MGA: variants seen among roughly 807,000 people sequenced by gnomAD.
MGA encodes the protein MAX gene-associated protein.
A neutral mutation model predicts 261.1 loss-of-function variants in MGA; 40 were observed. That is an observed-to-expected ratio of 0.15 (90% CI 0.12 to 0.20). The LOEUF (loss-of-function observed/expected upper bound fraction) is 0.20. Ranked by LOEUF, MGA falls within the 10% of genes least tolerant of loss-of-function variation. The probability of loss-of-function intolerance (pLI) is 1.00; values close to 1 mark genes in which losing one functional copy is unlikely to be tolerated. For synonymous variants in MGA, 1,302 were observed against 1,290.6 expected (o/e 1.01, Z -0.19); for missense variants, 3,397 against 3,630.5 (o/e 0.94, Z 1.65).
At chr15:41,717,637 T>A (rs571064188) in intron 9 of MGA, among the ~76,000 whole-genome samples, 1 of 152,304 alleles carries the variant, frequency 6.6e-6, no homozygotes, top group African/African-American at 2.4e-5. Context: ...TGGAAAACCC[T>A]GCAATAATAA....
At chr15:41,751,444 C>T (rs1325552988) in intron 17 of MGA, 1 of 152,094 alleles carries the variant, frequency 6.6e-6, no homozygotes, top group Non-Finnish European at 1.5e-5. Context: ...GTAAAAAAGT[C>T]CAGGTGCGGT....
At chr15:41,733,342 T>G (rs987192264) in intron 11 of MGA, among the ~76,000 whole-genome samples, 1 of 152,144 alleles carries the variant, frequency 6.6e-6, no homozygotes, top group Non-Finnish European at 1.5e-5. Context: ...TTAGTGAAAG[T>G]GGAATGATAA....
intron 9 of MGA, among the ~76,000 whole-genome samples, chr15:41,716,252 C>A (rs1210850296): frequency 6.6e-6 from 1 of 151,552 alleles, no homozygotes; most frequent in African/African-American, 2.4e-5. Context: ...TCGAGACTGT[C>A]CTGGCTAACA....
chr15:41,639,609 A>G (rs1371497818), intron 1 of MGA, among the ~76,000 whole-genome samples: 1 of 151,796 alleles, frequency 6.6e-6, no homozygotes, highest in East Asian at 1.9e-4. Flanking sequence ...CAGTGGCGCA[A>G]TCTCGGCTCA....
rs772234926 is a variant in MGA at position 41,736,525 on chromosome 15, T to C, written c.4261T>C (p.Leu1421=). 1 of 1,614,032 alleles carries C rather than the reference T, an allele frequency of 6.2e-7. No individual in the cohort carries two copies. Among genetic ancestry groups the C allele is most frequent in the Non-Finnish European group, 8.5e-7 (1 of 1,179,890 alleles). Residue 1421 remains leucine, a synonymous_variant, in exon 13 of 24, where the codon TTG becomes CTG. Transcript: ENST00000219905. ...TGGATCAGAGACTCCTGATGGTCCA[T>C]TGTCCCCTGGGAAAATGGAGGATAT...
chr15:41,669,487 A>G lies in MGA; in HGVS notation c.593A>G (p.His198Arg), dbSNP rs1444582755. Reference sequence around the variant, plus strand: ...GGGCATATCATCTTGCACTCTATGCATCGTTACCTGCCGAGGCTTCATTTG... The same window carrying G: ...GGGCATATCATCTTGCACTCTATGCGTCGTTACCTGCCGAGGCTTCATTTG... The change falls in exon 2 of 24, where the codon CAT (histidine) becomes CGT (arginine). Residue 198 changes from histidine (H) to arginine (R), a missense_variant. Coordinates refer to ENST00000219905, the MANE Select transcript of MGA (RefSeq NM_001164273.2). The G allele has an allele frequency of 1.9e-6, 3 of 1,613,922 alleles. No homozygotes were observed. The highest frequency in any genetic ancestry group is 2.7e-5 in the African/African-American group (2 of 74,926).
intron 13 of MGA, among the ~76,000 whole-genome samples, chr15:41,739,042 A>G (rs1255614049): frequency 6.6e-6 from 1 of 152,164 alleles, no homozygotes; most frequent in East Asian, 1.9e-4. Context: ...AAGGAAATAT[A>G]GAAAAGGTTA....
At chr15:41,661,718 C>T (rs895845690) in intron 1 of MGA, among the ~76,000 whole-genome samples, 2 of 152,178 alleles carry the variant, frequency 1.3e-5, no homozygotes, top group African/African-American at 4.8e-5. Context: ...CGGCTGAGTC[C>T]CTGGTTAACA....
At chr15:41,665,005 T>TTTAG (rs374392145) in intron 1 of MGA, among the ~76,000 whole-genome samples, 15 of 152,334 alleles carry the variant, frequency 9.8e-5, no homozygotes, top group African/African-American at 3.6e-4. Context: ...ATATTAGTGC[T>TTTAG]TTAGTGTTGG....
At chr15:41,716,104 A>C (rs984795380) in intron 9 of MGA, among the ~76,000 whole-genome samples, 1 of 151,872 alleles carries the variant, frequency 6.6e-6, no homozygotes, top group Non-Finnish European at 1.5e-5. Flanking sequence ...AAAGCTTGCT[A>C]TTCCCTATCT....
intron 7 of MGA, among the ~76,000 whole-genome samples, chr15:41,708,571 G>A (rs1219366360): frequency 6.6e-6 from 1 of 152,228 alleles, no homozygotes; most frequent in East Asian, 1.9e-4. Flanking sequence ...CGTCCGCCTC[G>A]GCCTCCCAAA....
chr15:41,668,711 G>T (rs571511852), intron 1 of MGA, 117 bp from the exon 2 acceptor site: 2 of 455,896 alleles, frequency 4.4e-6, no homozygotes, highest in East Asian at 3.1e-5. Context: ...AGTCTTAGAA[G>T]AATTTAGGAA....
At chr15:41,622,401 C>T (rs2056325711) in intron 1 of MGA, among the ~76,000 whole-genome samples, 1 of 151,896 alleles carries the variant, frequency 6.6e-6, no homozygotes. Context: ...GCCACCCCGC[C>T]AAAAAAAACC....
intron 9 of MGA, among the ~76,000 whole-genome samples, chr15:41,717,502 T>C (rs2060704199): frequency 6.6e-6 from 1 of 152,194 alleles, no homozygotes; most frequent in African/African-American, 2.4e-5. Context: ...TGAACAACTT[T>C]ATGTCAGTAA....
intron 10 of MGA, among the ~76,000 whole-genome samples, chr15:41,728,274 T>G (rs1269870993): frequency 6.6e-6 from 1 of 152,142 alleles, no homozygotes; most frequent in Non-Finnish European, 1.5e-5. Flanking sequence ...GAGGTTGTGG[T>G]GAGCCGAGAT....
In MGA at chr15:41,764,694, C is replaced by T. The variant is rs150357087; in HGVS notation, c.7745-192C>T. Among the ~76,000 whole-genome samples, 881 of 152,090 alleles carry T rather than the reference C, an allele frequency of 5.8e-3. 3 individuals are homozygous for T. Among genetic ancestry groups the T allele is most frequent in the Middle Eastern group, 0.01 (3 of 294 alleles). ...GACCACAGGTGCACACCACCACACC[C>T]GCCTAATTTAAAAAAATTTTTCTTG... On this transcript the variant is annotated intron_variant, in intron 22 of 23. Transcript: ENST00000219905.
intron 17 of MGA, chr15:41,752,262 A>G (rs1272345994): frequency 1.3e-5 from 2 of 151,856 alleles, no homozygotes; most frequent in Non-Finnish European, 2.9e-5. Flanking sequence ...ATGTTCTTAT[A>G]TTGGTTATTT....
chr15:41,755,979 A>G (rs1485097971), intron 18 of MGA, among the ~76,000 whole-genome samples: 1 of 152,192 alleles, frequency 6.6e-6, no homozygotes, highest in Non-Finnish European at 1.5e-5. Flanking sequence ...AGACTGTGCC[A>G]CTGTACTCCA....
In MGA at chr15:41,696,321, A is replaced by G. The variant is rs1247536047; in HGVS notation, c.1311A>G (p.Glu437=). The G allele has an allele frequency of 1.2e-6, 2 of 1,613,988 alleles. No individual in the cohort carries two copies. The highest frequency in any genetic ancestry group is 1.7e-5 in the Admixed American group (1 of 60,020). Residue 437 remains glutamate (E), a synonymous_variant, in exon 3 of 24, where the codon GAA becomes GAG. Coordinates refer to ENST00000219905, the MANE Select transcript of MGA (RefSeq NM_001164273.2). ...GGCACAATAAAGTTGACAACCCAGA[A>G]GCTGACCATCTATCTTCTAAATGGC...
Sources: gnomAD v4.1 joint callset for allele counts (sites outside exome capture counted in the v4.1 genomes callset) on GRCh38, gnomAD v4.1.1 for gene constraint, MANE v1.5 for transcripts, NCBI Gene and HGNC (gene_info 2026-07-23, HGNC 2026-07-21) for gene names.